The following CCDC171 variants were observed in gnomAD, a reference collection of about 807,000 sequenced individuals.
CCDC171 encodes coiled-coil domain containing 171, also known as coiled-coil domain-containing protein 171.
In CCDC171, 177 loss-of-function variants were observed where a neutral mutation model predicts 168.2. The observed-to-expected ratio is 1.05, with a 90% CI of 0.93 to 1.19. The LOEUF (loss-of-function observed/expected upper bound fraction) is 1.19, where lower values mean the gene tolerates loss of function less well. Among genes scored for constraint, CCDC171 ranks in the 50% most tolerant of loss-of-function variants. CCDC171 has a pLI of 0.00. For synonymous variants in CCDC171, 687 were observed against 540.8 expected (o/e 1.27, Z -3.75); for missense variants, 1,991 against 1,539.0 (o/e 1.29, Z -4.91).
Position 15,571,761 on chromosome 9 carries a change from T to A in CCDC171, c.177+2T>A. On this transcript the variant is annotated splice_donor_variant, in intron 3 of 25. Coordinates refer to ENST00000380701, the MANE Select transcript of CCDC171 (RefSeq NM_173550.4). LOFTEE classifies it high-confidence loss of function. Reference sequence around the variant, plus strand: ...ATAACAACCAAACACAATGCAGAGGTACGATTTATTTTCCTCTCAAATAAT... The same window carrying A: ...ATAACAACCAAACACAATGCAGAGGAACGATTTATTTTCCTCTCAAATAAT... The A allele has an allele frequency of 6.4e-7, 1 of 1,566,094 alleles. No homozygotes were observed. The highest frequency in any genetic ancestry group is 1.4e-5 in the African/African-American group (1 of 71,694).
intron 24 of CCDC171, among the ~76,000 whole-genome samples, chr9:15,913,507 G>GT (rs1824027010): frequency 1.3e-5 from 2 of 152,112 alleles, no homozygotes; most frequent in South Asian, 2.1e-4. Context: ...TTTTTGAAGA[G>GT]TTTTTTGTGT....
chr9:15,996,454 C>T (rs986029093), intron 3 of CCDC171, among the ~76,000 whole-genome samples: 4 of 119,214 alleles, frequency 3.4e-5, no homozygotes, highest in Non-Finnish European at 6.6e-5. Flanking sequence ...GGGGGGCGGA[C>T]ATTGGAATAA....
intron 18 of CCDC171, among the ~76,000 whole-genome samples, chr9:15,770,523 T>C (rs2056960045): frequency 1.3e-5 from 2 of 152,300 alleles, no homozygotes; most frequent in Admixed American, 6.5e-5. Flanking sequence ...TCTAAAATGA[T>C]AACAGAAGTA....
chr9:15,578,932 C>G lies in CCDC171; in HGVS notation c.261C>G (p.Asp87Glu). 4 of 1,613,484 alleles carry G rather than the reference C, an allele frequency of 2.5e-6. No homozygotes were observed. Among genetic ancestry groups the G allele is most frequent in the Non-Finnish European group, 3.4e-6 (4 of 1,179,486 alleles). Residue 87 changes from aspartate (D) to glutamate (E), a missense_variant, in exon 4 of 26, where the codon GAC becomes GAG. Physicochemically the swap from Asp to Glu is conservative, Grantham distance 45. Coordinates refer to ENST00000380701, the MANE Select transcript of CCDC171 (RefSeq NM_173550.4). ...CATTGCGACAAAGTCTGGAATATGA[C>G]CTAGCTGTTGCTAGAAAGGAAGCTG... is the stretch of plus-strand genomic sequence containing the variant. The part of the protein sequence containing the change: ...GEALRQSLEY[D>E]LAVARKEAGL...
intron 11 of CCDC171, among the ~76,000 whole-genome samples, chr9:15,701,342 A>G (rs2051719292): frequency 6.6e-6 from 1 of 151,988 alleles, no homozygotes; most frequent in South Asian, 2.1e-4. Flanking sequence ...AGGATTTCTC[A>G]TATGTTTTTT....
At chr9:15,584,369 G>C (rs900656812) in intron 4 of CCDC171, among the ~76,000 whole-genome samples, 8 of 152,216 alleles carry the variant, frequency 5.3e-5, no homozygotes, top group African/African-American at 1.9e-4. Context: ...ATTTAACAAA[G>C]TTTTAGATGA....
intron 3 of CCDC171, among the ~76,000 whole-genome samples, chr9:15,984,416 G>A (rs1831914418): frequency 6.9e-6 from 1 of 144,208 alleles, no homozygotes; most frequent in East Asian, 2.0e-4. Context: ...ATGAGTGTGT[G>A]TGTACATATA....
At chr9:15,692,774 G>C (rs943508313) in intron 10 of CCDC171, among the ~76,000 whole-genome samples, 1 of 151,428 alleles carries the variant, frequency 6.6e-6, no homozygotes, top group African/African-American at 2.4e-5. Flanking sequence ...TGATCCACGC[G>C]CCTCGGCCTC....
chr9:15,691,109 C>T (rs886416969), intron 10 of CCDC171, among the ~76,000 whole-genome samples: 2 of 151,966 alleles, frequency 1.3e-5, no homozygotes, highest in Non-Finnish European at 2.9e-5. Flanking sequence ...ATATACTTAA[C>T]GTACATGCAA....
intron 11 of CCDC171, among the ~76,000 whole-genome samples, chr9:15,712,724 G>A (rs2089618): frequency 0.94 from 142,569 of 152,266 alleles, 66,847 homozygotes; most frequent in East Asian, 1. Context: ...CCTCCCAGAG[G>A]ATGGTGTCAT....
At chr9:15,561,993 A>G (rs1271221943) in intron 1 of CCDC171, among the ~76,000 whole-genome samples, 1 of 150,298 alleles carries the variant, frequency 6.7e-6, no homozygotes, top group Admixed American at 6.6e-5. Flanking sequence ...ACAGCATGAC[A>G]TTTTGCTTCT....
Position 15,874,560 on chromosome 9 carries a change from C to T in CCDC171, c.3497C>T (p.Ser1166Phe), listed in dbSNP as rs138419474. 8.1e-6 allele frequency: 13 copies of T among 1,607,106 alleles called. No individual in the cohort carries two copies. In the African/African-American group the frequency reaches 1.2e-4, roughly 15 times the overall value. ...AGAGATCAGATCTCGCTGTCATGGTCTGCGGCAAGTAGGAATGACTTCACC... is the reference window on the plus strand; with the variant it reads ...AGAGATCAGATCTCGCTGTCATGGTTTGCGGCAAGTAGGAATGACTTCACC... The part of the protein sequence containing the change: ...KVRDQISLSW[S>F]AASRNDFTLQ... The change falls in exon 24 of 26, where the codon TCT (serine) becomes TTT (phenylalanine). Residue 1166 changes from serine (S) to phenylalanine (F), a missense_variant. Physicochemically the swap from Ser to Phe is radical, Grantham distance 155. Transcript: ENST00000380701.
the CCDC171 span, among the ~76,000 whole-genome samples, chr9:16,095,793 G>A: frequency 6.7e-6 from 1 of 150,156 alleles, no homozygotes; most frequent in Non-Finnish European, 1.5e-5. Flanking sequence ...ATACTTCATA[G>A]GGCTATTTCG....
In CCDC171 at chr9:15,648,900, T is replaced by C. The variant is rs564244880; in HGVS notation, c.823-8227T>C. ...TTCACAGAATTGGAAAAAACTACTT[T>C]GAAGTTCATATGAAACCAGAAAAGA... On this transcript the variant is annotated intron_variant, in intron 7 of 25. Coordinates refer to ENST00000380701, the MANE Select transcript of CCDC171 (RefSeq NM_173550.4). Among the ~76,000 whole-genome samples the C allele has an allele frequency of 2.6e-5, 4 of 152,278 alleles. No homozygotes were observed. In the East Asian group the frequency reaches 7.7e-4, roughly 29 times the overall value.
At chr9:16,078,120 T>A in the CCDC171 span, among the ~76,000 whole-genome samples, 2 of 151,494 alleles carry the variant, frequency 1.3e-5, no homozygotes, top group East Asian at 3.9e-4. Context: ...GAGGGATATG[T>A]TAATTGGCTT....
At chr9:15,631,189 A>G (rs2045657218) in intron 7 of CCDC171, among the ~76,000 whole-genome samples, 1 of 152,002 alleles carries the variant, frequency 6.6e-6, no homozygotes, top group African/African-American at 2.4e-5. Context: ...AACTGAAGGA[A>G]ATAGAAACAC....
intron 6 of CCDC171, among the ~76,000 whole-genome samples, chr9:15,611,795 C>T (rs1169717017): frequency 6.6e-6 from 1 of 152,070 alleles, no homozygotes; most frequent in Non-Finnish European, 1.5e-5. Flanking sequence ...CAACAATGCT[C>T]CTGTATTCAT....
intron 3 of CCDC171, among the ~76,000 whole-genome samples, chr9:16,011,921 C>G (rs1337642006): frequency 6.6e-6 from 1 of 152,174 alleles, no homozygotes; most frequent in Admixed American, 6.6e-5. Context: ...CACTTTGTCA[C>G]CGATACTGGG....
At chr9:16,038,043 A>G (rs375725305), upstream of CCDC171, among the ~76,000 whole-genome samples, 2 of 152,202 alleles carry the variant, frequency 1.3e-5, no homozygotes, top group East Asian at 1.9e-4. Context: ...AAAAGTTCTT[A>G]AAGCAATGAA....
Sources: allele counts gnomAD v4.1 joint callset (sites outside exome capture counted in the v4.1 genomes callset), GRCh38; gene constraint gnomAD v4.1.1; transcripts MANE v1.5; gene names NCBI Gene and HGNC (gene_info 2026-07-23, HGNC 2026-07-21).